Variants in MYH14 observed in about 807,000 individuals in gnomAD.
MYH14 encodes myosin heavy chain 14.
MYH14 carries 123 observed loss-of-function variants against 255.5 expected under a neutral mutation model. The ratio of observed to expected loss-of-function variants is 0.48; its 90% CI spans 0.42 to 0.56. The LOEUF is 0.56. MYH14 is among the 20% of genes least tolerant of loss of function. The pLI, the probability that MYH14 is intolerant of heterozygous loss-of-function variation, is 0.00. For missense variants in MYH14, 2,423 were observed against 2,802.3 expected, an observed-to-expected ratio of 0.86 and a Z score of 3.06; for synonymous variants, 1,095 against 1,161.2, an observed-to-expected ratio of 0.94 and a Z score of 1.16.
Position 50,231,972 on chromosome 19 carries a change from C to G in MYH14, c.1016C>G (p.Thr339Ser). 6.2e-7 allele frequency: 1 copy of G among 1,613,966 alleles called. No individual in the cohort carries two copies. Among genetic ancestry groups the G allele is most frequent in the Non-Finnish European group, 8.5e-7 (1 of 1,179,902 alleles). ...LEPCSHYRFLTNGPSSSPGQE... is the reference protein window; with the variant it reads ...LEPCSHYRFLSNGPSSSPGQE... ...CCCTGCTCCCACTACCGGTTCCTGA[C>G]CAACGGGCCGTCATCCTCTCCCGGC... is the stretch of plus-strand genomic sequence containing the variant. The change falls in exon 10 of 43, where the codon ACC becomes AGC. Residue 339 changes from threonine to serine, a missense_variant. Transcript: ENST00000642316.
At chr19:50,206,341 A>G (rs1284034745) in intron 1 of MYH14, among the ~76,000 whole-genome samples, 3 of 140,880 alleles carry the variant, frequency 2.1e-5, no homozygotes, top group African/African-American at 7.8e-5. Flanking sequence ...GGCATAGGGC[A>G]TAGGGTGATT....
At position 50,280,077 on chromosome 19, in the gene MYH14, A is replaced by G; in HGVS notation, c.4073A>G (p.Glu1358Gly). The change falls in exon 31 of 43, where the codon GAG becomes GGG. Residue 1358 changes from glutamate to glycine, a missense_variant. Transcript: ENST00000642316. The surrounding 1 kb of genome is among the most constrained non-coding windows in gnomAD (Gnocchi z 4.8). ...GTGTCTGGGGCGCTGAACGAGGCTG[A>G]GTCCAAAACCATCCGTCTTAGCAAG... ...ENVSGALNEA[E>G]SKTIRLSKEL... 6.2e-7 allele frequency: 1 copy of G among 1,611,080 alleles called. No homozygotes were observed. Among genetic ancestry groups the G allele is most frequent in the Non-Finnish European group, 8.5e-7 (1 of 1,178,730 alleles).
At chr19:50,277,177 T>C (rs906126259) in intron 29 of MYH14, among the ~76,000 whole-genome samples, 6 of 152,066 alleles carry the variant, frequency 3.9e-5, no homozygotes, top group African/African-American at 1.2e-4. Flanking sequence ...GTAAACAATA[T>C]AAACACTTTC....
chr19:50,227,019 C>A, intron 8 of MYH14, 53 bp downstream of exon 8: 1 of 1,572,118 alleles, frequency 6.4e-7, no homozygotes, highest in Non-Finnish European at 8.8e-7. Flanking sequence ...GCCTTTCAGA[C>A]AGCACTGAGT....
chr19:50,207,856 G>C (rs192555989), intron 1 of MYH14, among the ~76,000 whole-genome samples: 1 of 151,934 alleles, frequency 6.6e-6, no homozygotes, highest in Non-Finnish European at 1.5e-5. Flanking sequence ...TCTGCCCCTC[G>C]ATCATTTGGC....
At chr19:50,249,182 C>T (rs1339351204) in intron 13 of MYH14, 43 bp downstream of exon 13, 23 of 1,518,362 alleles carry the variant, frequency 1.5e-5, no homozygotes, top group Admixed American at 2.1e-5. Context: ...TTCCTCACTC[C>T]GGTCCTGGTC....
chr19:50,205,714 G>A (rs544901640), intron 1 of MYH14, among the ~76,000 whole-genome samples: 1 of 152,332 alleles, frequency 6.6e-6, no homozygotes, highest in Non-Finnish European at 1.5e-5. Flanking sequence ...GAACTTCTGG[G>A]TCCTGGGGGA....
intron 30 of MYH14, 148 bp from the exon 31 acceptor site, chr19:50,279,889 T>C (rs1219524998): frequency 1.4e-6 from 1 of 700,592 alleles, no homozygotes; most frequent in Non-Finnish European, 2.6e-6. Context: ...GGGAACCCTA[T>C]GTTTAAGCAT....
At position 50,280,267 on chromosome 19, in the gene MYH14, T is replaced by G; in HGVS notation, c.4174T>G (p.Leu1392Val). 6.4e-7 allele frequency: 1 copy of G among 1,551,652 alleles called. No individual in the cohort carries two copies. The highest frequency in any genetic ancestry group is 8.7e-7 in the Non-Finnish European group (1 of 1,146,962). ...GGAGGAGACCAGGGCGAAATTGGCC[T>G]TGGGGTCCCGGGTGCGAGCCATGGA... ...LQEETRAKLA[L>V]GSRVRAMEAE... Residue 1392 changes from leucine (L) to valine (V), a missense_variant, in exon 32 of 43, where the codon TTG becomes GTG. Around this residue, in one of 3 missense-constraint regions of MYH14, gnomAD observed 1,513 missense variants for 1,674.8 expected, o/e 0.90. Coordinates refer to ENST00000642316, the MANE Select transcript of MYH14 (RefSeq NM_001145809.2). This position sits in a 1 kb window ranked among gnomAD's most constrained non-coding sequence, Gnocchi z 4.8.
Position 50,293,177 on chromosome 19 carries a change from A to G in MYH14, c.5257-56A>G, listed in dbSNP as rs1156551961. On this transcript the variant is annotated intron_variant, in intron 37 of 42. Transcript: ENST00000642316. This position sits in a 1 kb window ranked among gnomAD's most constrained non-coding sequence, Gnocchi z 4.1. ...TGTGAGGGACAGAGAAAGGGGTGAG[A>G]CCCGTGCCCAGATTGCTTCTCCTCA... 4.7e-6 allele frequency: 6 copies of G among 1,264,944 alleles called. No homozygotes were observed. Among genetic ancestry groups the G allele is most frequent in the Non-Finnish European group, 6.8e-6 (6 of 884,348 alleles). 78.4% of individuals were successfully genotyped at this position (1,264,944 alleles called of 1,614,324 possible).
chr19:50,255,358 G>A, intron 17 of MYH14, 40 bp downstream of exon 17: 1 of 1,467,470 alleles, frequency 6.8e-7, no homozygotes, highest in Non-Finnish European at 9.3e-7. Flanking sequence ...GCTTGCTGGA[G>A]GAGGAGGGTG....
intron 1 of MYH14, among the ~76,000 whole-genome samples, chr19:50,207,781 G>A (rs563929837): frequency 2.6e-5 from 4 of 152,304 alleles, no homozygotes; most frequent in African/African-American, 9.6e-5. Context: ...CCCACCCTGG[G>A]CTCATATCTT....
At chr19:50,297,366 C>T (rs1601055201) in intron 39 of MYH14, among the ~76,000 whole-genome samples, 1 of 152,226 alleles carries the variant, frequency 6.6e-6, no homozygotes, top group East Asian at 1.9e-4. Context: ...GTTCATGCCT[C>T]TCCCCTGGCT....
Position 50,250,407 on chromosome 19 carries a change from G to A in MYH14, c.1657-108G>A, listed in dbSNP as rs1163258995. On this transcript the variant is annotated intron_variant, in intron 14 of 42. Transcript: ENST00000642316. This position sits in a 1 kb window ranked among gnomAD's most constrained non-coding sequence, Gnocchi z 5.4. Reference sequence around the variant, plus strand: ...TGAGCCACCGTGCCTGGCATCTCACGTTTGTTTTTATGTCCAAGTGTGACT... The same window carrying A: ...TGAGCCACCGTGCCTGGCATCTCACATTTGTTTTTATGTCCAAGTGTGACT... 15 of 1,211,914 alleles carry A rather than the reference G, an allele frequency of 1.2e-5. No homozygotes were observed. Among genetic ancestry groups the A allele is most frequent in the African/African-American group, 7.6e-5 (5 of 66,222 alleles). The allele number at this position is 1,211,914 out of a possible 1,614,324, so 75.1% of individuals were successfully genotyped here.
At chr19:50,234,904 C>T (rs1251734425) in intron 10 of MYH14, among the ~76,000 whole-genome samples, 1 of 152,170 alleles carries the variant, frequency 6.6e-6, no homozygotes, top group Non-Finnish European at 1.5e-5. Context: ...CTTCCCTGGC[C>T]CTAGTTTCCC....
intron 23 of MYH14, among the ~76,000 whole-genome samples, chr19:50,267,780 G>T (rs1568519165): frequency 6.6e-6 from 1 of 152,152 alleles, no homozygotes; most frequent in Non-Finnish European, 1.5e-5. Context: ...GTTATTTGAA[G>T]GATGGACTGG....
Position 50,293,984 on chromosome 19 carries a change from A to G in MYH14, c.5469+297A>G, listed in dbSNP as rs1337912780. The stretch of plus-strand genomic sequence containing the variant: ...AAAGACTTTCTGCAGGAGTCATAAG[A>G]AAACATTTGGAAAAAGAGACATTTG... On this transcript the variant is annotated intron_variant, in intron 39 of 42. Coordinates refer to ENST00000642316, the MANE Select transcript of MYH14 (RefSeq NM_001145809.2). This position sits in a 1 kb window ranked among gnomAD's most constrained non-coding sequence, Gnocchi z 4.1. Among the ~76,000 whole-genome samples the G allele has an allele frequency of 2.6e-5, 4 of 152,200 alleles. No individual in the cohort carries two copies. The highest frequency in any genetic ancestry group is 5.9e-5 in the Non-Finnish European group (4 of 68,032).
chr19:50,306,116 T>TA (rs2036643987), intron 40 of MYH14, among the ~76,000 whole-genome samples: 2 of 152,072 alleles, frequency 1.3e-5, no homozygotes, highest in East Asian at 3.9e-4. Flanking sequence ...CTGTCTCTAC[T>TA]AAAAATACAA....
chr19:50,293,631 G>A lies in MYH14; in HGVS notation c.5413G>A (p.Glu1805Lys), dbSNP rs768069260. The change falls in exon 39 of 43, where the codon GAG becomes AAG. Residue 1805 changes from glutamate to lysine, a missense_variant. Around this residue, in one of 3 missense-constraint regions of MYH14, gnomAD observed 1,513 missense variants for 1,674.8 expected, o/e 0.90. Transcript: ENST00000642316. The surrounding 1 kb of genome is among the most constrained non-coding windows in gnomAD (Gnocchi z 4.1). Reference protein sequence around the residue: ...RLGQLEEELEEEQSNSELLND... With the variant: ...RLGQLEEELEKEQSNSELLND... ...GGGGCAGTTGGAGGAAGAGCTGGAG[G>A]AGGAGCAGAGCAACTCGGAGCTGCT... The A allele has an allele frequency of 6.2e-7, 1 of 1,612,446 alleles. No individual in the cohort carries two copies. Among genetic ancestry groups the A allele is most frequent in the Non-Finnish European group, 8.5e-7 (1 of 1,179,264 alleles).
Sources: allele counts gnomAD v4.1 joint callset (sites outside exome capture counted in the v4.1 genomes callset), GRCh38; gene constraint gnomAD v4.1.1; regional missense constraint gnomAD v4.1.1; non-coding constraint Gnocchi (gnomAD v3.1); transcripts MANE v1.5; gene names NCBI Gene and HGNC (gene_info 2026-07-23, HGNC 2026-07-21).